The following FAT3 variants were observed in gnomAD, a reference collection of about 807,000 sequenced individuals.
FAT3 encodes protocadherin Fat 3.
Under a neutral mutation model 310.2 loss-of-function variants are expected in FAT3, and 95 were observed. That is an observed-to-expected ratio of 0.31 (90% CI 0.26 to 0.36). The LOEUF (loss-of-function observed/expected upper bound fraction) is 0.36. Among genes scored for constraint, FAT3 ranks in the 10% least tolerant of loss-of-function variants. The probability of loss-of-function intolerance (pLI) is 1.00; values close to 1 mark genes in which losing one functional copy is unlikely to be tolerated. For missense variants in FAT3, 5,408 were observed against 5,715.6 expected, an observed-to-expected ratio of 0.95 and a Z score of 1.74; for synonymous variants, 2,314 against 2,192.9, an observed-to-expected ratio of 1.06 and a Z score of -1.54.
At chr11:92,252,308 G>A (rs754648895) in intron 1 of FAT3, among the ~76,000 whole-genome samples, 6 of 152,136 alleles carry the variant, frequency 3.9e-5, no homozygotes, top group African/African-American at 4.8e-5. Flanking sequence ...ATTAAGTTGT[G>A]TGTCTGCATG....
intron 1 of FAT3, among the ~76,000 whole-genome samples, chr11:92,304,588 G>A (rs571265311): frequency 6.6e-6 from 1 of 152,086 alleles, no homozygotes; most frequent in Admixed American, 6.6e-5. Context: ...CTCTGCAGTT[G>A]TCTGTCAGTT....
At chr11:92,443,509 A>G (rs1038544481) in intron 2 of FAT3, among the ~76,000 whole-genome samples, 3 of 152,256 alleles carry the variant, frequency 2.0e-5, no homozygotes, top group South Asian at 2.1e-4. Context: ...CCATGAGAAC[A>G]GAAGTTAAAC....
chr11:92,609,314 G>A (rs1447233948), intron 3 of FAT3, among the ~76,000 whole-genome samples: 1 of 152,150 alleles, frequency 6.6e-6, no homozygotes, highest in Non-Finnish European at 1.5e-5. Context: ...TGGAGGAGGG[G>A]AGTCTCTGAC....
At chr11:92,361,321 A>AAAGACTTTGCT (rs1313407199) in intron 2 of FAT3, among the ~76,000 whole-genome samples, 3 of 152,206 alleles carry the variant, frequency 2.0e-5, no homozygotes, top group African/African-American at 7.2e-5. Context: ...ACTGTGGAGC[A>AAAGACTTTGCT]GAAAAGAATA....
intron 2 of FAT3, among the ~76,000 whole-genome samples, chr11:92,514,718 G>GAAGGAAT (rs1953418929): frequency 6.6e-6 from 1 of 152,158 alleles, no homozygotes; most frequent in Non-Finnish European, 1.5e-5. Context: ...GGCACACGAG[G>GAAGGAAT]AAGGAATTCT....
At chr11:92,606,925 G>A (rs947898818) in intron 3 of FAT3, among the ~76,000 whole-genome samples, 2 of 152,108 alleles carry the variant, frequency 1.3e-5, no homozygotes, top group Non-Finnish European at 2.9e-5. Context: ...GTGGCTGAGG[G>A]GCAATGGTCA....
intron 4 of FAT3, among the ~76,000 whole-genome samples, chr11:92,721,081 T>C (rs575194651): frequency 2.4e-4 from 37 of 152,320 alleles, no homozygotes; most frequent in Admixed American, 4.6e-4. Context: ...CTTCTTGATG[T>C]TCTCCCTCCC....
intron 6 of FAT3, among the ~76,000 whole-genome samples, chr11:92,772,283 G>A (rs942874674): frequency 6.6e-6 from 1 of 152,100 alleles, no homozygotes; most frequent in Middle Eastern, 3.2e-3. Flanking sequence ...GGACTTATGA[G>A]GCAATTTTAT....
At chr11:92,864,814 TA>T (rs111360878) in intron 21 of FAT3, among the ~76,000 whole-genome samples, 2 of 151,140 alleles carry the variant, frequency 1.3e-5, no homozygotes, top group South Asian at 2.1e-4. Context: ...AGACTCCATC[TA>T]AAAAAAAAGA....
chr11:92,671,829 G>T (rs1337015100), intron 3 of FAT3, among the ~76,000 whole-genome samples: 2 of 152,140 alleles, frequency 1.3e-5, no homozygotes, highest in Non-Finnish European at 2.9e-5. Context: ...AATGTGGCTG[G>T]GTGCAGTGGC....
In FAT3 at chr11:92,353,326, T is replaced by G; in HGVS notation, c.1214T>G (p.Ile405Arg). 1 of 1,613,682 alleles carries G rather than the reference T, an allele frequency of 6.2e-7. No individual in the cohort carries two copies. The highest frequency in any genetic ancestry group is 8.5e-7 in the Non-Finnish European group (1 of 1,179,832). The change falls in exon 2 of 28, where the codon ATA (isoleucine) becomes AGA (arginine). Residue 405 changes from isoleucine to arginine, a missense_variant. Transcript: ENST00000525166. ...VAIVKLSPEP[I>R]DVEYKLSPGE... ...ATAGTAAAATTAAGTCCTGAACCGA[T>G]AGATGTGGAATACAAATTATCTCCT... is the stretch of plus-strand genomic sequence containing the variant.
At chr11:92,612,263 C>T (rs1474270743) in intron 3 of FAT3, among the ~76,000 whole-genome samples, 2 of 152,188 alleles carry the variant, frequency 1.3e-5, no homozygotes, top group Non-Finnish European at 2.9e-5. Flanking sequence ...CTTTTCTCTC[C>T]ACCTCACCCC....
At chr11:92,533,915 AGAT>A (rs1204849639) in intron 3 of FAT3, among the ~76,000 whole-genome samples, 2 of 152,162 alleles carry the variant, frequency 1.3e-5, no homozygotes, top group Non-Finnish European at 2.9e-5. Flanking sequence ...TAAATAGAGC[AGAT>A]GATGGAGCTG....
chr11:92,851,389 A>G (rs1276314005), intron 19 of FAT3, among the ~76,000 whole-genome samples: 1 of 152,214 alleles, frequency 6.6e-6, no homozygotes, highest in East Asian at 1.9e-4. Context: ...ACTATAAAGA[A>G]TCATTATCTT....
chr11:92,763,133 C>T (rs1000525452), intron 5 of FAT3, among the ~76,000 whole-genome samples: 20 of 151,214 alleles, frequency 1.3e-4, no homozygotes, highest in Admixed American at 1.2e-3. Flanking sequence ...CACTCCAGCC[C>T]GGGTGACAGA....
intron 2 of FAT3, among the ~76,000 whole-genome samples, chr11:92,397,480 CAT>C (rs1487314747): frequency 6.6e-6 from 1 of 152,176 alleles, no homozygotes; most frequent in African/African-American, 2.4e-5. Context: ...ACATGCCTCA[CAT>C]AGTTTCTTTT....
At chr11:92,754,627 C>CAAAAAAAAAAAAA (rs71064722) in intron 4 of FAT3, among the ~76,000 whole-genome samples, 686 of 32,520 alleles carry the variant, frequency 0.021, 77 homozygotes, top group African/African-American at 0.079. Flanking sequence ...GACTCTGCCT[C>CAAAAAAAAAAAAA]AAAAAAAAAA....
intron 4 of FAT3, among the ~76,000 whole-genome samples, chr11:92,734,171 C>A (rs1327872428): frequency 6.6e-6 from 1 of 152,090 alleles, no homozygotes; most frequent in East Asian, 1.9e-4. Context: ...AATAACCAAA[C>A]CCTGAGTATG....
intron 3 of FAT3, among the ~76,000 whole-genome samples, chr11:92,563,395 C>A (rs1463745370): frequency 1.3e-5 from 2 of 152,034 alleles, no homozygotes; most frequent in Non-Finnish European, 2.9e-5. Flanking sequence ...AGCAGGCATT[C>A]CCCCAATATT....
Sources: gnomAD v4.1 joint callset for allele counts (sites outside exome capture counted in the v4.1 genomes callset) on GRCh38, gnomAD v4.1.1 for gene constraint, MANE v1.5 for transcripts, NCBI Gene and HGNC (gene_info 2026-07-23, HGNC 2026-07-21) for gene names.